CYP7B1: variants seen among roughly 807,000 people sequenced by gnomAD.
CYP7B1 encodes cytochrome P450 7B1.
CYP7B1 carries 29 observed loss-of-function variants against 42.7 expected under a neutral mutation model. That is an observed-to-expected ratio of 0.68 (90% CI 0.51 to 0.93). The LOEUF is 0.93. CYP7B1 is among the 40% of genes least tolerant of loss of function. The pLI is 0.00. For synonymous variants in CYP7B1, 235 were observed against 218.2 expected (o/e 1.08, Z -0.68); for missense variants, 655 against 600.5 (o/e 1.09, Z -0.95).
chr8:64,719,893 A>T (rs1490987001), intron 1 of CYP7B1, among the ~76,000 whole-genome samples: 1 of 152,212 alleles, frequency 6.6e-6, no homozygotes, highest in Admixed American at 6.5e-5. Flanking sequence ...TCTTGGCCTA[A>T]GTGCTTTCTA....
chr8:64,767,580 C>G (rs1585903716), intron 1 of CYP7B1, among the ~76,000 whole-genome samples: 1 of 152,160 alleles, frequency 6.6e-6, no homozygotes, highest in Admixed American at 6.5e-5. Context: ...AATTTTAAAA[C>G]CCTTCACCAA....
chr8:64,680,567 CAA>C (rs36027601), intron 1 of CYP7B1, among the ~76,000 whole-genome samples: 18,387 of 149,740 alleles, frequency 0.12, 1,279 homozygotes, highest in Non-Finnish European at 0.16. Flanking sequence ...TAAGAATTCA[CAA>C]AAAAAAACCA....
At chr8:64,769,646 C>G (rs1169212857) in intron 1 of CYP7B1, among the ~76,000 whole-genome samples, 1 of 152,198 alleles carries the variant, frequency 6.6e-6, no homozygotes, top group African/African-American at 2.4e-5. Context: ...GTATACTTCA[C>G]AGCAATGCCA....
At chr8:64,619,083 T>C (rs948023473) in intron 2 of CYP7B1, among the ~76,000 whole-genome samples, 1 of 152,222 alleles carries the variant, frequency 6.6e-6, no homozygotes, top group African/African-American at 2.4e-5. Context: ...ATCTTCAGTA[T>C]AAACAATTTA....
rs182168492 is a variant in CYP7B1, at chr8:64,698,918, C to A, written c.123-74379G>T. Among the ~76,000 whole-genome samples, 5 of 152,174 alleles carry A rather than the reference C, an allele frequency of 3.3e-5. No individual in the cohort carries two copies. In the East Asian group the frequency reaches 7.7e-4, roughly 23 times the overall value. On this transcript the variant is annotated intron_variant, in intron 1 of 5. Coordinates refer to ENST00000310193, the MANE Select transcript of CYP7B1 (RefSeq NM_004820.5). ...AATTTAAAGGATTTTTTTCTAGTGACCCTAAGGTTCTTAATATTGCAAACA... is the reference window on the plus strand; with the variant it reads ...AATTTAAAGGATTTTTTTCTAGTGAACCTAAGGTTCTTAATATTGCAAACA...
intron 1 of CYP7B1, among the ~76,000 whole-genome samples, chr8:64,747,260 TAA>T (rs1327539655): frequency 6.7e-6 from 1 of 148,168 alleles, no homozygotes; most frequent in Admixed American, 6.8e-5. Flanking sequence ...AAACGTAGTA[TAA>T]GTCATATAGT....
At chr8:64,644,444 G>A (rs967801995) in intron 1 of CYP7B1, among the ~76,000 whole-genome samples, 4 of 152,032 alleles carry the variant, frequency 2.6e-5, no homozygotes, top group African/African-American at 9.7e-5. Context: ...CACTATCTAT[G>A]GCAGCCATAT....
chr8:64,776,988 G>A lies in CYP7B1; in HGVS notation c.122+21478C>T, dbSNP rs374522494. Among the ~76,000 whole-genome samples, 18 of 151,818 alleles carry A rather than the reference G, an allele frequency of 1.2e-4. 1 individual carries two copies. The highest frequency in any genetic ancestry group is 7.9e-4 in the Admixed American group (12 of 15,210). ...ATACATAGAATTTCCTGTTCCTTTG[G>A]GTCTTTATTTCTGAAGGGTCCTGTG... On this transcript the variant is annotated intron_variant, in intron 1 of 5. Coordinates refer to ENST00000310193, the MANE Select transcript of CYP7B1 (RefSeq NM_004820.5).
chr8:64,735,538 C>G (rs1000718115), intron 1 of CYP7B1, among the ~76,000 whole-genome samples: 8 of 152,154 alleles, frequency 5.3e-5, no homozygotes, highest in African/African-American at 1.9e-4. Context: ...TTTGTTTCAG[C>G]TGACGGTGAT....
At chr8:64,656,358 T>C (rs944423942) in intron 1 of CYP7B1, among the ~76,000 whole-genome samples, 1 of 151,974 alleles carries the variant, frequency 6.6e-6, no homozygotes, top group African/African-American at 2.4e-5. Context: ...TCATGGGGGG[T>C]AGAGATGTGG....
chr8:64,654,753 A>T (rs972203595), intron 1 of CYP7B1, among the ~76,000 whole-genome samples: 5 of 152,188 alleles, frequency 3.3e-5, no homozygotes, highest in Admixed American at 2.0e-4. Flanking sequence ...GAGGCATCAC[A>T]TAACGCAACT....
intron 1 of CYP7B1, among the ~76,000 whole-genome samples, chr8:64,659,120 C>T (rs1036042847): frequency 1.1e-4 from 16 of 152,208 alleles, no homozygotes; most frequent in East Asian, 3.9e-4. Flanking sequence ...TTATTTTTCA[C>T]GGTAATATAC....
At chr8:64,692,040 A>G (rs917458911) in intron 1 of CYP7B1, among the ~76,000 whole-genome samples, 1 of 152,242 alleles carries the variant, frequency 6.6e-6, no homozygotes, top group Non-Finnish European at 1.5e-5. Flanking sequence ...ATTATTAGAA[A>G]AAAAACTCAC....
intron 1 of CYP7B1, among the ~76,000 whole-genome samples, chr8:64,784,160 C>G (rs1239208258): frequency 6.6e-6 from 1 of 152,098 alleles, no homozygotes; most frequent in East Asian, 1.9e-4. Flanking sequence ...CTCAAAGGTA[C>G]TTGCTGGCAG....
At chr8:64,630,812 C>A (rs565987479) in intron 1 of CYP7B1, among the ~76,000 whole-genome samples, 1 of 152,178 alleles carries the variant, frequency 6.6e-6, no homozygotes, top group Non-Finnish European at 1.5e-5. Flanking sequence ...CTGGGCATGA[C>A]CTGCTTTAAG....
chr8:64,748,173 T>C (rs569031799), intron 1 of CYP7B1, among the ~76,000 whole-genome samples: 1 of 152,304 alleles, frequency 6.6e-6, no homozygotes, highest in African/African-American at 2.4e-5. Context: ...CAGTCATCTT[T>C]GCCCAGGACT....
At chr8:64,620,732 C>A (rs1805519177) in intron 2 of CYP7B1, among the ~76,000 whole-genome samples, 1 of 152,148 alleles carries the variant, frequency 6.6e-6, no homozygotes, top group Non-Finnish European at 1.5e-5. Flanking sequence ...AACAGGATTT[C>A]TTGACAGGAA....
chr8:64,756,449 G>T (rs533098712), intron 1 of CYP7B1, among the ~76,000 whole-genome samples: 1 of 152,176 alleles, frequency 6.6e-6, no homozygotes, highest in Admixed American at 6.5e-5. Context: ...TAAGCTCAGG[G>T]TTTGTTTTGG....
chr8:64,643,580 T>G (rs1805901568), intron 1 of CYP7B1, among the ~76,000 whole-genome samples: 1 of 152,128 alleles, frequency 6.6e-6, no homozygotes, highest in South Asian at 2.1e-4. Context: ...AAGACAACAA[T>G]GAAGTTTGTC....
Sources: allele counts gnomAD v4.1 joint callset (sites outside exome capture counted in the v4.1 genomes callset), GRCh38; gene constraint gnomAD v4.1.1; transcripts MANE v1.5; gene names NCBI Gene and HGNC (gene_info 2026-07-23, HGNC 2026-07-21).